BMP8A: variants seen among roughly 807,000 people sequenced by gnomAD.
The protein encoded by BMP8A is bone morphogenetic protein 8a, also known as BMP-8A.
BMP8A carries 14 observed loss-of-function variants against 36.8 expected under a neutral mutation model. The observed-to-expected ratio is 0.38, with a 90% CI of 0.25 to 0.60. BMP8A has a LOEUF of 0.60. BMP8A is among the 20% of genes least tolerant of loss of function. The pLI is 0.63. For missense variants in BMP8A, 267 were observed against 551.1 expected (o/e 0.48, Z 5.16); for synonymous variants, 120 against 237.7 (o/e 0.50, Z 4.55).
chr1:39,525,478 A>G lies in BMP8A; in HGVS notation c.1060-171A>G, dbSNP rs577410243. On this transcript the variant is annotated intron_variant, in intron 6 of 6. Transcript: ENST00000331593. ...GTGGGCCACCACAGCTCCCGCTCCC[A>G]GAGCTCTCAGGGCTGCTCTTATTCC... Among the ~76,000 whole-genome samples the G allele has an allele frequency of 3.1e-3, 471 of 152,226 alleles. 2 individuals are homozygous for G. The highest frequency in any genetic ancestry group is 5.4e-3 in the Admixed American group (83 of 15,306).
chr1:39,526,065 G>GT lies in BMP8A; in HGVS notation c.*267_*268insT. ...GTGCTGACTGCACTGTCTGGAGTCA[G>GT]CACAGAAGTCCTATCTTAGGACCTG... is the stretch of plus-strand genomic sequence containing the variant. On this transcript the variant is annotated 3_prime_UTR_variant, in exon 7 of 7. Coordinates refer to ENST00000331593, the MANE Select transcript of BMP8A (RefSeq NM_181809.4). 6 of 555,920 alleles carry GT rather than the reference G, an allele frequency of 1.1e-5. No homozygotes were observed. Among genetic ancestry groups the GT allele is most frequent in the Middle Eastern group, 5.1e-4 (1 of 1,980 alleles). 34.4% of individuals were successfully genotyped at this position (555,920 alleles called of 1,614,324 possible).
At chr1:39,503,467 A>C (rs1056828355) in intron 1 of BMP8A, among the ~76,000 whole-genome samples, 2 of 152,040 alleles carry the variant, frequency 1.3e-5, no homozygotes, top group African/African-American at 2.4e-5. Context: ...TCTACAAAAA[A>C]TAAATTAGCC....
At position 39,525,959 on chromosome 1, in the gene BMP8A, C is replaced by G; in HGVS notation, c.*161C>G. ...GGCTTCTGGTCCTTTCTCGGTACCT[C>G]TGTGCCCCTCCCCTGGGGTTTGTGG... On this transcript the variant is annotated 3_prime_UTR_variant, in exon 7 of 7. Coordinates refer to ENST00000331593, the MANE Select transcript of BMP8A (RefSeq NM_181809.4). 1 of 1,255,538 alleles carries G rather than the reference C, an allele frequency of 8.0e-7. No homozygotes were observed. Among genetic ancestry groups the G allele is most frequent in the Non-Finnish European group, 1.1e-6 (1 of 919,928 alleles). 77.8% of individuals were successfully genotyped at this position (1,255,538 alleles called of 1,614,324 possible).
intron 1 of BMP8A, among the ~76,000 whole-genome samples, chr1:39,504,228 A>G (rs1365405517): frequency 6.6e-6 from 1 of 151,832 alleles, no homozygotes; most frequent in Non-Finnish European, 1.5e-5. Flanking sequence ...GACAAAGTAT[A>G]GAGGAAGAAA....
At chr1:39,515,063 C>T (rs1411685037) in intron 3 of BMP8A, 20 of 1,586,042 alleles carry the variant, frequency 1.3e-5, no homozygotes, top group Non-Finnish European at 1.7e-5. Flanking sequence ...CCACCAGTCC[C>T]CGGCCCCGTG....
chr1:39,508,087 TA>T, intron 1 of BMP8A, among the ~76,000 whole-genome samples: 1 of 151,978 alleles, frequency 6.6e-6, no homozygotes, highest in Non-Finnish European at 1.5e-5. Flanking sequence ...CTGTCTCTAC[TA>T]AAAATACAAA....
intron 3 of BMP8A, among the ~76,000 whole-genome samples, chr1:39,518,019 G>A (rs1349654372): frequency 6.6e-6 from 1 of 152,024 alleles, no homozygotes; most frequent in African/African-American, 2.4e-5. Context: ...GGCCACTTGT[G>A]TGATGGTCCG....
chr1:39,503,057 T>TTAAA (rs2124330619), intron 1 of BMP8A, among the ~76,000 whole-genome samples: 1 of 151,962 alleles, frequency 6.6e-6, no homozygotes, highest in Non-Finnish European at 1.5e-5. Flanking sequence ...AAATAAATAT[T>TTAAA]TAAATAAATA....
intron 1 of BMP8A, among the ~76,000 whole-genome samples, chr1:39,494,345 CTTTTTTCT>C (rs1645186676): frequency 2.1e-5 from 3 of 143,592 alleles, no homozygotes; most frequent in Admixed American, 1.4e-4. Flanking sequence ...TTTCTTTTTT[CTTTTTTCT>C]TTTTTTTTTT....
intron 1 of BMP8A, among the ~76,000 whole-genome samples, chr1:39,501,071 G>T (rs1000668441): frequency 3.3e-5 from 5 of 152,230 alleles, no homozygotes; most frequent in African/African-American, 9.6e-5. Context: ...AGGACAGTGG[G>T]TGTGTACAAA....
At chr1:39,507,255 G>T (rs1017631557) in intron 1 of BMP8A, among the ~76,000 whole-genome samples, 1 of 152,190 alleles carries the variant, frequency 6.6e-6, no homozygotes, top group Non-Finnish European at 1.5e-5. Flanking sequence ...ATCTGACAGG[G>T]AGCCCTGGAA....
rs1645389298 is a variant in BMP8A at position 39,515,647 on chromosome 1, A to G, written c.673+3743A>G. The stretch of plus-strand genomic sequence containing the variant: ...TTCAGGAGAAGCGCCCGCAATTTCA[A>G]CGTGCCCATGTGCAAAGCTGCAGAC... On this transcript the variant is annotated intron_variant, in intron 3 of 6. Transcript: ENST00000331593. 22 of 1,572,922 alleles carry G rather than the reference A, an allele frequency of 1.4e-5. 4 individuals are homozygous for G. The highest frequency in any genetic ancestry group is 1.8e-5 in the Non-Finnish European group (21 of 1,149,178).
chr1:39,499,691 G>A (rs111685967), intron 1 of BMP8A, among the ~76,000 whole-genome samples: 4,834 of 152,300 alleles, frequency 0.032, 118 homozygotes, highest in Middle Eastern at 0.078. Flanking sequence ...GCTGGAGGAG[G>A]AGGCTGAGGG....
Position 39,524,129 on chromosome 1 carries a change from C to T in BMP8A, c.1059+1012C>T, listed in dbSNP as rs563176036. 6.6e-5 allele frequency among the ~76,000 whole-genome samples: 10 copies of T among 152,322 alleles called. No individual in the cohort carries two copies. Among genetic ancestry groups the T allele is most frequent in the African/African-American group, 2.4e-4 (10 of 41,574 alleles). On this transcript the variant is annotated intron_variant, in intron 6 of 6. Transcript: ENST00000331593. The surrounding 1 kb of genome is among the most constrained non-coding windows in gnomAD (Gnocchi z 4.0). ...TTTGCTGGACACCTGGAGCCATCTC[C>T]TTGGAAAGGCCCAGGGGTGATGAGG...
At chr1:39,496,005 G>A (rs531711776) in intron 1 of BMP8A, among the ~76,000 whole-genome samples, 1,995 of 151,258 alleles carry the variant, frequency 0.013, 21 homozygotes, top group African/African-American at 0.045. Context: ...GAACAGAGCC[G>A]TCTGGATTTG....
intron 1 of BMP8A, among the ~76,000 whole-genome samples, chr1:39,505,562 T>C (rs1248787341): frequency 6.6e-6 from 1 of 152,178 alleles, no homozygotes; most frequent in Non-Finnish European, 1.5e-5. Flanking sequence ...AGTAACAGTC[T>C]GATTTCTCTT....
intron 1 of BMP8A, among the ~76,000 whole-genome samples, chr1:39,496,265 A>G (rs1246667122): frequency 1.4e-5 from 2 of 141,094 alleles, no homozygotes; most frequent in Admixed American, 7.1e-5. Context: ...CCCTGCCCTC[A>G]GGGAGATGAC....
rs1175075846 is a variant in BMP8A, at chr1:39,515,695, C to CT, written c.673+3793dup. On this transcript the variant is annotated intron_variant, in intron 3 of 6. Transcript: ENST00000331593. ...GACGTCACGGCGGTGGAGGTGGGGG[C>CT]TTCCCCCCAGAAGACATCCACGTTC... 2.7e-5 allele frequency: 42 copies of CT among 1,574,156 alleles called. 1 individual carries two copies. The highest frequency in any genetic ancestry group is 8.1e-5 in the African/African-American group (6 of 73,888).
At chr1:39,510,751 C>G (rs1456001078) in intron 1 of BMP8A, among the ~76,000 whole-genome samples, 1 of 152,250 alleles carries the variant, frequency 6.6e-6, no homozygotes, top group Non-Finnish European at 1.5e-5. Context: ...GGTTATGTCC[C>G]TGTCTACCAG....
Sources: gnomAD v4.1 joint callset for allele counts (sites outside exome capture counted in the v4.1 genomes callset) on GRCh38, gnomAD v4.1.1 for gene constraint, Gnocchi (gnomAD v3.1) non-coding constraint, MANE v1.5 for transcripts, NCBI Gene and HGNC (gene_info 2026-07-23, HGNC 2026-07-21) for gene names.